ARHGAP6: variants seen among roughly 807,000 people sequenced by gnomAD.
ARHGAP6 encodes Rho GTPase activating protein 6.
Under a neutral mutation model 55.7 loss-of-function variants are expected in ARHGAP6, and 16 were observed. The ratio of observed to expected loss-of-function variants is 0.29; its 90% CI spans 0.19 to 0.44. The LOEUF is 0.44. Among genes scored for constraint, ARHGAP6 ranks in the 20% least tolerant of loss-of-function variants. ARHGAP6 has a pLI of 1.00. For synonymous variants in ARHGAP6, 382 were observed against 360.9 expected (o/e 1.06, Z -0.66); for missense variants, 698 against 808.9 (o/e 0.86, Z 1.66).
At chrX:11,324,445 G>A (rs2048473712) in intron 1 of ARHGAP6, among the ~76,000 whole-genome samples, 1 of 111,713 alleles carries the variant, frequency 9.0e-6, no homozygotes, top group African/African-American at 3.3e-5. Flanking sequence ...GTTAGCCAAA[G>A]CTTTAGCAGA....
rs779270316 is a variant in ARHGAP6 at position 11,408,416 on chromosome X, T to A, written c.589-153709A>T. Among the ~76,000 whole-genome samples the A allele has an allele frequency of 5.4e-5, 6 of 111,943 alleles. No homozygotes were observed. The South Asian group carries it at 2.2e-3, about 42-fold the overall frequency. ...GTTGCTCTCATTGGTGGTTTGCTTG[T>A]CTGTAACAGAGAAGGGCAACAAAGT... On this transcript the variant is annotated intron_variant, in intron 1 of 12. Coordinates refer to ENST00000337414, the MANE Select transcript of ARHGAP6 (RefSeq NM_013427.3).
intron 9 of ARHGAP6, among the ~76,000 whole-genome samples, chrX:11,157,088 T>C (rs772607431): frequency 8.9e-6 from 1 of 112,116 alleles, no homozygotes; most frequent in South Asian, 3.7e-4. Context: ...GGCAGGCCCT[T>C]GAGCCAGACT....
intron 1 of ARHGAP6, among the ~76,000 whole-genome samples, chrX:11,479,825 G>A (rs1459064416): frequency 9.0e-6 from 1 of 111,045 alleles, no homozygotes; most frequent in Non-Finnish European, 1.9e-5. Context: ...AAATTCACTG[G>A]GGGTCGGGGG....
At chrX:11,574,159 G>A (rs1239311319) in intron 1 of ARHGAP6, among the ~76,000 whole-genome samples, 1 of 111,084 alleles carries the variant, frequency 9.0e-6, no homozygotes, top group Non-Finnish European at 1.9e-5. Flanking sequence ...AGGAGGAACT[G>A]GTACCATTCC....
chrX:11,575,500 A>G (rs1396812692), intron 1 of ARHGAP6, among the ~76,000 whole-genome samples: 1 of 111,668 alleles, frequency 9.0e-6, no homozygotes, highest in Admixed American at 9.6e-5. Flanking sequence ...ACAAAGAGGA[A>G]CTAGATACCA....
intron 1 of ARHGAP6, among the ~76,000 whole-genome samples, chrX:11,349,766 G>C (rs2048835961): frequency 9.0e-6 from 1 of 111,568 alleles, no homozygotes; most frequent in Non-Finnish European, 1.9e-5. Context: ...AGATACAGAT[G>C]CTCTTGATAT....
intron 1 of ARHGAP6, among the ~76,000 whole-genome samples, chrX:11,544,714 C>T (rs1193562627): frequency 8.9e-6 from 1 of 112,020 alleles, no homozygotes; most frequent in East Asian, 2.8e-4. Context: ...TCACTTGAAT[C>T]GTGTGATTTC....
At chrX:11,542,906 G>C (rs2051173525) in intron 1 of ARHGAP6, among the ~76,000 whole-genome samples, 3 of 111,179 alleles carry the variant, frequency 2.7e-5, no homozygotes, top group Admixed American at 9.6e-5. Flanking sequence ...AATAGGCCAG[G>C]AGAGCAAACC....
chrX:11,227,799 T>C (rs904639647), intron 2 of ARHGAP6, among the ~76,000 whole-genome samples: 1 of 109,477 alleles, frequency 9.1e-6, no homozygotes, highest in African/African-American at 3.3e-5. Context: ...TTTTCTTTTT[T>C]CTTTTTTTTT....
At chrX:11,384,099 A>T (rs899971060) in intron 1 of ARHGAP6, among the ~76,000 whole-genome samples, 1 of 111,701 alleles carries the variant, frequency 9.0e-6, no homozygotes. Flanking sequence ...CACAAAAACC[A>T]TGTGAGAGAA....
intron 10 of ARHGAP6, among the ~76,000 whole-genome samples, chrX:11,149,984 A>G (rs748751589): frequency 4.5e-5 from 5 of 111,788 alleles, no homozygotes; most frequent in Non-Finnish European, 9.4e-5. Context: ...AAACTTTGTG[A>G]AGGCTACTAA....
chrX:11,607,201 C>T, intron 1 of ARHGAP6, among the ~76,000 whole-genome samples: 1 of 112,132 alleles, frequency 8.9e-6, no homozygotes, highest in Non-Finnish European at 1.9e-5. Flanking sequence ...TGCATTTTGA[C>T]AACTTACAAT....
intron 1 of ARHGAP6, among the ~76,000 whole-genome samples, chrX:11,568,092 A>G (rs1343457160): frequency 9.0e-6 from 1 of 111,560 alleles, no homozygotes; most frequent in Non-Finnish European, 1.9e-5. Context: ...CATAGAGTAA[A>G]TGCTAAGGGG....
chrX:11,210,390 TCTGA>T (rs1277408217), intron 2 of ARHGAP6, among the ~76,000 whole-genome samples: 1 of 112,411 alleles, frequency 8.9e-6, no homozygotes, highest in Non-Finnish European at 1.9e-5. Context: ...CAAAGAGGAG[TCTGA>T]CTTTTTTTTC....
intron 1 of ARHGAP6, among the ~76,000 whole-genome samples, chrX:11,547,558 A>G (rs1287456162): frequency 8.9e-6 from 1 of 112,044 alleles, no homozygotes; most frequent in Non-Finnish European, 1.9e-5. Context: ...TTGAGACCCT[A>G]AAAAGTCCAG....
intron 9 of ARHGAP6, among the ~76,000 whole-genome samples, chrX:11,163,686 TGTGACAG>T (rs2045979544): frequency 8.9e-6 from 1 of 112,432 alleles, no homozygotes; most frequent in Non-Finnish European, 1.9e-5. Context: ...GTGGCTCTGT[TGTGACAG>T]GTGGTTTAAT....
At chrX:11,182,245 C>T (rs2046323915) in intron 5 of ARHGAP6, 127 bp from the exon 6 acceptor site, 1 of 439,395 alleles carries the variant, frequency 2.3e-6, no homozygotes, top group Non-Finnish European at 3.9e-6. Flanking sequence ...TGACAGCATA[C>T]AGTAATGCTT....
At chrX:11,206,497 T>A (rs1044073661) in intron 2 of ARHGAP6, among the ~76,000 whole-genome samples, 1 of 112,083 alleles carries the variant, frequency 8.9e-6, no homozygotes, top group Non-Finnish European at 1.9e-5. Flanking sequence ...TCAAAGGCAC[T>A]GATGATATTT....
chrX:11,276,305 C>G (rs957419624), intron 1 of ARHGAP6, among the ~76,000 whole-genome samples: 4 of 111,781 alleles, frequency 3.6e-5, no homozygotes, highest in South Asian at 7.6e-4. Context: ...CCTTTTCTCC[C>G]TGGCTAGACT....
Sources: allele counts gnomAD v4.1 joint callset (sites outside exome capture counted in the v4.1 genomes callset), GRCh38; gene constraint gnomAD v4.1.1; transcripts MANE v1.5; gene names NCBI Gene and HGNC (gene_info 2026-07-23, HGNC 2026-07-21).